Variants in PLAAT3 observed in about 807,000 individuals in gnomAD.
PLAAT3 encodes the protein Ca-independent phospholipase A1/2.
Under a neutral mutation model 16.7 loss-of-function variants are expected in PLAAT3, and 21 were observed. The observed-to-expected ratio is 1.26, with a 90% CI of 0.89 to 1.81. The LOEUF (loss-of-function observed/expected upper bound fraction) is 1.81. PLAAT3 is among the 40% of genes most tolerant of loss of function. PLAAT3 has a pLI of 0.00. For synonymous variants in PLAAT3, 76 were observed against 81.7 expected (o/e 0.93, Z 0.38); for missense variants, 219 against 213.7 (o/e 1.02, Z -0.16).
chr11:63,608,155 C>A (rs914692293), intron 2 of PLAAT3, among the ~76,000 whole-genome samples: 10 of 152,220 alleles, frequency 6.6e-5, no homozygotes, highest in South Asian at 2.1e-4. Flanking sequence ...GCACTCCAGC[C>A]TGGGCGACAG....
intron 2 of PLAAT3, among the ~76,000 whole-genome samples, chr11:63,612,188 T>A (rs1938711381): frequency 6.6e-6 from 1 of 152,210 alleles, no homozygotes; most frequent in South Asian, 2.1e-4. Context: ...GTTGTTGTTT[T>A]GTTTTTAGAG....
chr11:63,589,348 AT>A (rs770294535), intron 4 of PLAAT3, among the ~76,000 whole-genome samples: 17 of 151,258 alleles, frequency 1.1e-4, no homozygotes, highest in Non-Finnish European at 2.2e-4. Flanking sequence ...ACTGAAAAAA[AT>A]ATGTATTCTT....
intron 4 of PLAAT3, among the ~76,000 whole-genome samples, chr11:63,581,187 G>T (rs1436845668): frequency 2.0e-5 from 3 of 152,132 alleles, no homozygotes; most frequent in Non-Finnish European, 4.4e-5. Context: ...CCCTGAAAAA[G>T]AACAGAATAA....
intron 3 of PLAAT3, among the ~76,000 whole-genome samples, chr11:63,590,583 T>G (rs752571261): frequency 5.9e-5 from 9 of 152,166 alleles, no homozygotes; most frequent in Non-Finnish European, 1.0e-4. Context: ...TGAAGTTCCA[T>G]GATTTACTGT....
At chr11:63,580,428 G>C (rs1937773678) in intron 4 of PLAAT3, among the ~76,000 whole-genome samples, 1 of 152,204 alleles carries the variant, frequency 6.6e-6, no homozygotes, top group Admixed American at 6.5e-5. Flanking sequence ...GGCCGAGGAG[G>C]GTGGATCACG....
chr11:63,577,223 G>C lies in PLAAT3; in HGVS notation c.388-2177C>G, dbSNP rs150013765. On this transcript the variant is annotated intron_variant, in intron 4 of 4. Transcript: ENST00000415826. ...GTTTGCTCTTGTTGCCCAGGCTAGAGTGCAATGGCGCAATCTTAGCTCACT... is the reference window on the plus strand; with the variant it reads ...GTTTGCTCTTGTTGCCCAGGCTAGACTGCAATGGCGCAATCTTAGCTCACT... Among the ~76,000 whole-genome samples the C allele has an allele frequency of 5.8e-3, 875 of 150,110 alleles. 10 individuals are homozygous for C. The highest frequency in any genetic ancestry group is 0.02 in the African/African-American group (816 of 40,028).
intron 4 of PLAAT3, among the ~76,000 whole-genome samples, chr11:63,581,701 C>T (rs1455824367): frequency 2.0e-5 from 3 of 152,280 alleles, no homozygotes; most frequent in Non-Finnish European, 2.9e-5. Flanking sequence ...TTTTAAAATC[C>T]GTAATAAAAA....
At chr11:63,609,478 C>A (rs1938641474) in intron 2 of PLAAT3, among the ~76,000 whole-genome samples, 1 of 152,222 alleles carries the variant, frequency 6.6e-6, no homozygotes, top group South Asian at 2.1e-4. Context: ...GTAAACAGGG[C>A]TAAGACCCAT....
intron 2 of PLAAT3, among the ~76,000 whole-genome samples, chr11:63,609,027 T>G (rs1938631546): frequency 1.3e-5 from 2 of 152,178 alleles, no homozygotes. Flanking sequence ...AACTGGCAGC[T>G]TTTACTGCCA....
At chr11:63,585,115 C>T (rs1489036011) in intron 4 of PLAAT3, among the ~76,000 whole-genome samples, 1 of 151,798 alleles carries the variant, frequency 6.6e-6, no homozygotes, top group Non-Finnish European at 1.5e-5. Flanking sequence ...GCAACCTCCA[C>T]CTCCCGGGTT....
At chr11:63,612,136 C>T (rs1938709803) in intron 2 of PLAAT3, among the ~76,000 whole-genome samples, 1 of 151,256 alleles carries the variant, frequency 6.6e-6, no homozygotes, top group South Asian at 2.1e-4. Flanking sequence ...GAAACTCCAT[C>T]TCAAAAAAAA....
intron 3 of PLAAT3, among the ~76,000 whole-genome samples, chr11:63,590,851 G>C (rs1431029580): frequency 6.6e-6 from 1 of 152,214 alleles, no homozygotes; most frequent in Non-Finnish European, 1.5e-5. Flanking sequence ...CCCTAGCTGT[G>C]ATGGATGCTA....
chr11:63,587,113 CAA>C (rs1938000009), intron 4 of PLAAT3, among the ~76,000 whole-genome samples: 1 of 152,034 alleles, frequency 6.6e-6, no homozygotes, highest in African/African-American at 2.4e-5. Context: ...AAATAAAAAA[CAA>C]GAGAGAGAAG....
At chr11:63,615,887 C>T (rs548574978), upstream of PLAAT3, among the ~76,000 whole-genome samples, 3 of 152,098 alleles carry the variant, frequency 2.0e-5, no homozygotes, top group African/African-American at 7.2e-5. Flanking sequence ...ATGCTGGTCA[C>T]GAACTCCTGG....
At chr11:63,596,037 C>T (rs1011572940) in intron 3 of PLAAT3, among the ~76,000 whole-genome samples, 8 of 151,750 alleles carry the variant, frequency 5.3e-5, no homozygotes, top group African/African-American at 1.9e-4. Context: ...GTCAGGAGAT[C>T]GAGACCATCC....
chr11:63,578,001 G>C (rs1029355277), intron 4 of PLAAT3, among the ~76,000 whole-genome samples: 1 of 152,050 alleles, frequency 6.6e-6, no homozygotes, highest in African/African-American at 2.4e-5. Context: ...AGAACAATCC[G>C]GCTGGGTGCA....
At chr11:63,605,019 T>C (rs972317436) in intron 2 of PLAAT3, among the ~76,000 whole-genome samples, 11 of 152,228 alleles carry the variant, frequency 7.2e-5, no homozygotes, top group African/African-American at 2.7e-4. Context: ...TATTTTTCTA[T>C]ATATTCCAGG....
chr11:63,596,532 T>C (rs1374464493), intron 3 of PLAAT3, among the ~76,000 whole-genome samples: 1 of 151,848 alleles, frequency 6.6e-6, no homozygotes, highest in Non-Finnish European at 1.5e-5. Context: ...CAACTGACGA[T>C]AATGCAGAAT....
rs769650169 is a variant in PLAAT3, at chr11:63,590,387, G to A, written c.119-19C>T. ...ACCTCACCTGCAGATCCACAAAGAG[G>A]AAACAGAGGGATTGGTCCTGGGAAG... On this transcript the variant is annotated intron_variant, in intron 3 of 4. Transcript: ENST00000415826. The A allele has an allele frequency of 6.2e-7, 1 of 1,611,644 alleles. No homozygotes were observed. Among genetic ancestry groups the A allele is most frequent in the South Asian group, 1.1e-5 (1 of 90,878 alleles).
Sources: gnomAD v4.1 joint callset for allele counts (sites outside exome capture counted in the v4.1 genomes callset) on GRCh38, gnomAD v4.1.1 for gene constraint, MANE v1.5 for transcripts, NCBI Gene and HGNC (gene_info 2026-07-23, HGNC 2026-07-21) for gene names.